Variants in KIRREL3 observed in about 807,000 individuals in gnomAD.
KIRREL3 encodes kin of IRRE-like protein 3.
Under a neutral mutation model 89.7 loss-of-function variants are expected in KIRREL3, and 36 were observed. That is an observed-to-expected ratio of 0.40 (90% CI 0.31 to 0.53). The LOEUF is 0.53. Ranked by LOEUF, KIRREL3 falls within the 20% of genes least tolerant of loss-of-function variation. The probability of loss-of-function intolerance (pLI) is 0.49; values close to 1 mark genes in which losing one functional copy is unlikely to be tolerated. For missense variants in KIRREL3, 864 were observed against 1,056.6 expected (o/e 0.82, Z 2.53); for synonymous variants, 445 against 441.4 (o/e 1.01, Z -0.10).
At chr11:126,488,597 A>G (rs1220715731) in intron 4 of KIRREL3, among the ~76,000 whole-genome samples, 1 of 152,230 alleles carries the variant, frequency 6.6e-6, no homozygotes, top group Non-Finnish European at 1.5e-5. Context: ...GCATTTGTGC[A>G]GTGGAAGAGA....
At chr11:126,813,850 C>T (rs1468885982) in intron 1 of KIRREL3, among the ~76,000 whole-genome samples, 1 of 151,386 alleles carries the variant, frequency 6.6e-6, no homozygotes, top group Non-Finnish European at 1.5e-5. Flanking sequence ...AACATAGGCA[C>T]ATGCAAGGGT....
intron 1 of KIRREL3, among the ~76,000 whole-genome samples, chr11:126,829,433 T>C (rs1540246): frequency 0.86 from 131,373 of 152,172 alleles, 57,065 homozygotes; most frequent in East Asian, 1. Context: ...TGACCAAGAT[T>C]CACCCACTAG....
Position 126,656,240 on chromosome 11 carries a change from G to A in KIRREL3, c.56-93328C>T, listed in dbSNP as rs1052259017. 4.5e-5 allele frequency: 20 copies of A among 445,476 alleles called. No individual in the cohort carries two copies. Among genetic ancestry groups the A allele is most frequent in the Middle Eastern group, 3.3e-4 (1 of 3,040 alleles). The allele number at this position is 445,476 out of a possible 1,614,324, so 27.6% of individuals were successfully genotyped here. On this transcript the variant is annotated intron_variant, in intron 1 of 16. Transcript: ENST00000525144. The surrounding 1 kb of genome is among the most constrained non-coding windows in gnomAD (Gnocchi z 4.0). Reference sequence around the variant, plus strand: ...CAGAAAGATGCCTGTTGGTTCTGCCGTTCATATCTGTGAGATATCAGGCTG... The same window carrying A: ...CAGAAAGATGCCTGTTGGTTCTGCCATTCATATCTGTGAGATATCAGGCTG...
At chr11:126,706,808 C>CT (rs1947546330) in intron 1 of KIRREL3, among the ~76,000 whole-genome samples, 1 of 152,150 alleles carries the variant, frequency 6.6e-6, no homozygotes, top group South Asian at 2.1e-4. Context: ...TTCATAAGAG[C>CT]TTTTTTCTGT....
At chr11:126,567,944 G>T (rs1212636743) in intron 1 of KIRREL3, among the ~76,000 whole-genome samples, 1 of 152,096 alleles carries the variant, frequency 6.6e-6, no homozygotes, top group African/African-American at 2.4e-5. Context: ...GCTGCTTGTA[G>T]AAGGCCTTCC....
At chr11:126,679,434 AAGCTTCAAAACATGTTCCCTTTAAGGG>A (rs1206329081) in intron 1 of KIRREL3, among the ~76,000 whole-genome samples, 4 of 152,194 alleles carry the variant, frequency 2.6e-5, no homozygotes, top group Admixed American at 2.6e-4. Context: ...GTTCATTTTG[AAGCTTCAAAACATGTTCCCTTTAAGGG>A]AGCTACTATG....
rs1565609473 is a variant in KIRREL3, at chr11:126,635,834, A to G, written c.56-72922T>C. On this transcript the variant is annotated intron_variant, in intron 1 of 16. Coordinates refer to ENST00000525144, the MANE Select transcript of KIRREL3 (RefSeq NM_032531.4). The surrounding 1 kb of genome is among the most constrained non-coding windows in gnomAD (Gnocchi z 4.0). ...GTAAAAGGCAGAGTGTGTCCCATGA[A>G]TGAGACACCCTGTCCTTCTCCCTCA... 6.6e-6 allele frequency among the ~76,000 whole-genome samples: 1 copy of G among 152,228 alleles called. No homozygotes were observed. Among genetic ancestry groups the G allele is most frequent in the Non-Finnish European group, 1.5e-5 (1 of 68,048 alleles).
chr11:126,532,370 ATATT>A (rs56217819), intron 2 of KIRREL3, among the ~76,000 whole-genome samples: 2 of 151,242 alleles, frequency 1.3e-5, no homozygotes, highest in Non-Finnish European at 2.9e-5. Flanking sequence ...ATCTATTTTT[ATATT>A]TATTTATTTA....
At chr11:126,889,191 C>G (rs943668244) in intron 1 of KIRREL3, among the ~76,000 whole-genome samples, 1 of 152,140 alleles carries the variant, frequency 6.6e-6, no homozygotes, top group Non-Finnish European at 1.5e-5. Context: ...TTCTCTTCCC[C>G]TTAGTGACCC....
intron 1 of KIRREL3, among the ~76,000 whole-genome samples, chr11:126,580,015 T>G (rs1010212166): frequency 1.3e-4 from 20 of 151,958 alleles, no homozygotes; most frequent in African/African-American, 4.8e-4. Flanking sequence ...CAAGCTAATT[T>G]TTTGTATTTT....
chr11:126,630,224 G>A (rs1021162789), intron 1 of KIRREL3, among the ~76,000 whole-genome samples: 4 of 152,128 alleles, frequency 2.6e-5, no homozygotes, highest in Admixed American at 1.3e-4. Flanking sequence ...GGTCTGTGTC[G>A]AATGGAATAT....
chr11:126,743,281 T>A (rs1949039832), intron 1 of KIRREL3, among the ~76,000 whole-genome samples: 2 of 152,176 alleles, frequency 1.3e-5, no homozygotes, highest in African/African-American at 2.4e-5. Context: ...TATAGAACGG[T>A]GAGCCTGGAC....
At chr11:126,935,299 C>G (rs1322687085) in intron 1 of KIRREL3, 3 of 145,616 alleles carry the variant, frequency 2.1e-5, no homozygotes, top group East Asian at 2.0e-4. Flanking sequence ...ACTTGGAAGA[C>G]AGTGTGGCAG....
chr11:126,867,520 C>T lies in KIRREL3; in HGVS notation c.55+132935G>A, dbSNP rs1047886831. Among the ~76,000 whole-genome samples the T allele has an allele frequency of 2.0e-5, 3 of 152,200 alleles. No homozygotes were observed. Among genetic ancestry groups the T allele is most frequent in the African/African-American group, 4.8e-5 (2 of 41,452 alleles). ...CCAGCCCTTTCTGATAAGTCACTTC[C>T]CCAAACTTCCATAGCACTTCAAGTC... is the stretch of plus-strand genomic sequence containing the variant. On this transcript the variant is annotated intron_variant, in intron 1 of 16. Transcript: ENST00000525144. This position sits in a 1 kb window ranked among gnomAD's most constrained non-coding sequence, Gnocchi z 4.7.
At chr11:126,816,352 T>A (rs980558463) in intron 1 of KIRREL3, among the ~76,000 whole-genome samples, 6 of 152,212 alleles carry the variant, frequency 3.9e-5, no homozygotes, top group African/African-American at 1.4e-4. Flanking sequence ...AAGACTTCTT[T>A]CCGAGTTTAC....
chr11:126,743,795 T>A (rs1949054645), intron 1 of KIRREL3, among the ~76,000 whole-genome samples: 1 of 152,254 alleles, frequency 6.6e-6, no homozygotes, highest in South Asian at 2.1e-4. Flanking sequence ...GCACAGTTCC[T>A]GGAACATAGC....
chr11:126,596,152 C>A (rs1475374777), intron 1 of KIRREL3, among the ~76,000 whole-genome samples: 1 of 152,182 alleles, frequency 6.6e-6, no homozygotes, highest in Non-Finnish European at 1.5e-5. Flanking sequence ...AGGCTGTTCA[C>A]CAATCTCGAG....
Position 126,939,205 on chromosome 11 carries a change from G to C in KIRREL3, c.55+61250C>G, listed in dbSNP as rs192366703. 4.8e-3 allele frequency among the ~76,000 whole-genome samples: 736 copies of C among 152,298 alleles called. 6 individuals are homozygous for C. Among genetic ancestry groups the C allele is most frequent in the African/African-American group, 0.016 (664 of 41,570 alleles). On this transcript the variant is annotated intron_variant, in intron 1 of 16. Transcript: ENST00000525144. Reference sequence around the variant, plus strand: ...TCAGAGAAATTTGTAGATGTTAATTGCAAACTGCTTTCTCTTCACCAGAAG... The same window carrying C: ...TCAGAGAAATTTGTAGATGTTAATTCCAAACTGCTTTCTCTTCACCAGAAG...
Position 126,891,867 on chromosome 11 carries a change from A to G in KIRREL3, c.55+108588T>C, listed in dbSNP as rs370643804. Among the ~76,000 whole-genome samples the G allele has an allele frequency of 2.2e-4, 33 of 152,356 alleles. 1 individual carries two copies. The East Asian group carries it at 3.9e-3, about 18-fold the overall frequency. ...GACAGAGGAGTGTGGTCCTTGGGAC[A>G]TCTAGCCCAGGGAAAGAAATCTTGC... On this transcript the variant is annotated intron_variant, in intron 1 of 16. Transcript: ENST00000525144. This position sits in a 1 kb window ranked among gnomAD's most constrained non-coding sequence, Gnocchi z 5.1.
Sources: allele counts gnomAD v4.1 joint callset (sites outside exome capture counted in the v4.1 genomes callset), GRCh38; gene constraint gnomAD v4.1.1; non-coding constraint Gnocchi (gnomAD v3.1); transcripts MANE v1.5; gene names NCBI Gene and HGNC (gene_info 2026-07-23, HGNC 2026-07-21).